GPCPD1: variants seen among roughly 807,000 people sequenced by gnomAD.
GPCPD1 encodes glycerophosphocholine phosphodiesterase GPCPD1.
A neutral mutation model predicts 89.2 loss-of-function variants in GPCPD1; 29 were observed. That is an observed-to-expected ratio of 0.33 (90% CI 0.24 to 0.44). GPCPD1 has a LOEUF of 0.44. Among genes scored for constraint, GPCPD1 ranks in the 20% least tolerant of loss-of-function variants. The probability of loss-of-function intolerance (pLI) is 1.00; values close to 1 mark genes in which losing one functional copy is unlikely to be tolerated. For missense variants in GPCPD1, 594 were observed against 808.9 expected, an observed-to-expected ratio of 0.73 and a Z score of 3.22; for synonymous variants, 258 against 266.3, an observed-to-expected ratio of 0.97 and a Z score of 0.30.
intron 2 of GPCPD1, among the ~76,000 whole-genome samples, chr20:5,603,809 C>T (rs186940390): frequency 2.7e-4 from 40 of 150,294 alleles, no homozygotes; most frequent in East Asian, 9.8e-4. Context: ...TGCAATGGCA[C>T]GATCTCAGGT....
chr20:5,569,040 G>T (rs1034587837), intron 12 of GPCPD1, among the ~76,000 whole-genome samples: 1 of 151,946 alleles, frequency 6.6e-6, no homozygotes, highest in African/African-American at 2.4e-5. Flanking sequence ...CCTGTTCCAT[G>T]TGTTTGGTCA....
chr20:5,605,639 G>A lies in GPCPD1; in HGVS notation c.-28-1199C>T, dbSNP rs369767190. Among the ~76,000 whole-genome samples, 291 of 152,204 alleles carry A rather than the reference G, an allele frequency of 1.9e-3. 2 individuals are homozygous for A. The highest frequency in any genetic ancestry group is 0.016 in the South Asian group (77 of 4,822). On this transcript the variant is annotated intron_variant, in intron 1 of 19. Transcript: ENST00000379019. ...ACTAAAAATACAAAATTAGCCGGGCGTGGTGGCACATGTCTGTAATCTCAG... is the reference window on the plus strand; with the variant it reads ...ACTAAAAATACAAAATTAGCCGGGCATGGTGGCACATGTCTGTAATCTCAG...
chr20:5,550,148 C>T (rs571924707), intron 19 of GPCPD1, among the ~76,000 whole-genome samples: 3 of 151,320 alleles, frequency 2.0e-5, no homozygotes, highest in East Asian at 1.9e-4. Context: ...GAGCCCAGAT[C>T]GCACCACTGA....
chr20:5,603,968 A>G (rs1980368718), intron 2 of GPCPD1, among the ~76,000 whole-genome samples: 1 of 151,922 alleles, frequency 6.6e-6, no homozygotes, highest in Admixed American at 6.6e-5. Flanking sequence ...GCTGGTCTTG[A>G]ACTCCTGACC....
intron 11 of GPCPD1, among the ~76,000 whole-genome samples, chr20:5,573,230 G>A (rs1269578579): frequency 6.6e-6 from 1 of 151,922 alleles, no homozygotes. Context: ...GATAACAGGC[G>A]CGGGCCACCA....
intron 11 of GPCPD1, among the ~76,000 whole-genome samples, chr20:5,572,692 G>A (rs1168164595): frequency 1.3e-5 from 2 of 152,046 alleles, no homozygotes; most frequent in South Asian, 2.1e-4. Context: ...AATGTGAGGC[G>A]GTCCAGACAA....
rs142930328 is a variant in GPCPD1 at position 5,584,317 on chromosome 20, C to T, written c.313G>A (p.Glu105Lys). The change falls in exon 6 of 20, where the codon GAA (glutamate) becomes AAA (lysine). Residue 105 changes from glutamate (E) to lysine (K), a missense_variant. Transcript: ENST00000379019. ...AATTGTCCATCGTCAATAATAATTT[C>T]GCTTTCTAGAATTTAAGGAAAATAG... ...QPRSITPLES[E>K]IIIDDGQFGI... 1.9e-4 allele frequency: 259 copies of T among 1,396,104 alleles called. No individual in the cohort carries two copies. Among genetic ancestry groups the T allele is most frequent in the African/African-American group, 1.6e-3 (114 of 70,656 alleles). The allele number at this position is 1,396,104 out of a possible 1,614,324, so 86.5% of individuals were successfully genotyped here.
At chr20:5,596,487 T>C (rs570068914) in intron 3 of GPCPD1, among the ~76,000 whole-genome samples, 1 of 152,358 alleles carries the variant, frequency 6.6e-6, no homozygotes, top group African/African-American at 2.4e-5. Flanking sequence ...GGTAGTCATA[T>C]GGTGGTTTAG....
intron 7 of GPCPD1, among the ~76,000 whole-genome samples, chr20:5,578,930 G>A (rs1309801957): frequency 1.3e-5 from 2 of 152,170 alleles, no homozygotes; most frequent in African/African-American, 4.8e-5. Context: ...GCTCACGCCT[G>A]TAATCCCAGA....
At chr20:5,574,354 G>A (rs1416641765) in intron 10 of GPCPD1, among the ~76,000 whole-genome samples, 1 of 152,158 alleles carries the variant, frequency 6.6e-6, no homozygotes, top group Non-Finnish European at 1.5e-5. Flanking sequence ...GACTGTGGGG[G>A]AATGAGAAAC....
chr20:5,571,218 G>C (rs1422533984), intron 11 of GPCPD1, among the ~76,000 whole-genome samples: 3 of 152,204 alleles, frequency 2.0e-5, no homozygotes, highest in African/African-American at 7.2e-5. Flanking sequence ...CTTCCTTGCA[G>C]ACTTCCGAAG....
intron 11 of GPCPD1, among the ~76,000 whole-genome samples, chr20:5,571,274 C>A (rs889296930): frequency 1.3e-5 from 2 of 152,134 alleles, no homozygotes; most frequent in Non-Finnish European, 2.9e-5. Context: ...ATACCAAAAC[C>A]CTTTCTACCA....
At position 5,559,999 on chromosome 20, in the gene GPCPD1, T is replaced by A; in HGVS notation, c.1473A>T (p.Leu491Phe). 6.3e-7 allele frequency: 1 copy of A among 1,575,904 alleles called. No individual in the cohort carries two copies. The highest frequency in any genetic ancestry group is 8.7e-7 in the Non-Finnish European group (1 of 1,153,338). ...CTATTCTCCTCTTCCCAGAATTTTC[T>A]AAAACAGTTTTTAAAATTATATCCA... is the stretch of plus-strand genomic sequence containing the variant. Reference protein sequence around the residue: ...LFLDIILKTVLENSGKRRIVF... With the variant: ...LFLDIILKTVFENSGKRRIVF... Residue 491 changes from leucine (L) to phenylalanine (F), a missense_variant, in exon 17 of 20, where the codon TTA (leucine) becomes TTT (phenylalanine). Physicochemically the swap from Leu to Phe is conservative, Grantham distance 22 (BLOSUM62 0). Transcript: ENST00000379019.
chr20:5,577,481 C>T (rs1978296136), intron 8 of GPCPD1, among the ~76,000 whole-genome samples: 1 of 146,734 alleles, frequency 6.8e-6, no homozygotes, highest in East Asian at 2.0e-4. Flanking sequence ...GAGCAAGACC[C>T]TCTCTCCAGA....
intron 4 of GPCPD1, among the ~76,000 whole-genome samples, chr20:5,592,293 C>CA (rs1979382666): frequency 6.6e-6 from 1 of 152,186 alleles, no homozygotes; most frequent in Admixed American, 6.5e-5. Flanking sequence ...TGCATAACCC[C>CA]ATGCCAAATA....
intron 1 of GPCPD1, among the ~76,000 whole-genome samples, chr20:5,605,796 TTTATTAACCCTAGGACCA>T (rs1344161011): frequency 1.3e-5 from 2 of 152,070 alleles, no homozygotes; most frequent in Admixed American, 6.5e-5. Flanking sequence ...AGATTTTCTC[TTTATTAACCCTAGGACCA>T]TCATTACTCA....
intron 7 of GPCPD1, among the ~76,000 whole-genome samples, chr20:5,579,565 C>A (rs968305826): frequency 6.6e-6 from 1 of 152,170 alleles, no homozygotes; most frequent in Non-Finnish European, 1.5e-5. Context: ...CCAGTCTGGT[C>A]TTGAACTCCC....
chr20:5,570,563 A>C (rs1255988887), intron 11 of GPCPD1, among the ~76,000 whole-genome samples: 1 of 152,154 alleles, frequency 6.6e-6, no homozygotes, highest in African/African-American at 2.4e-5. Flanking sequence ...AAAAGCCCCA[A>C]GCTCAGGGAT....
intron 11 of GPCPD1, 149 bp downstream of exon 11, chr20:5,573,766 T>C (rs1986853154): frequency 5.6e-6 from 4 of 712,634 alleles, no homozygotes; most frequent in Non-Finnish European, 1.0e-5. Context: ...AAGATGCTTA[T>C]GGTTCTATTG....
Sources: gnomAD v4.1 joint callset for allele counts (sites outside exome capture counted in the v4.1 genomes callset) on GRCh38, gnomAD v4.1.1 for gene constraint, MANE v1.5 for transcripts, NCBI Gene and HGNC (gene_info 2026-07-23, HGNC 2026-07-21) for gene names.